Variants in PTK2 observed in about 807,000 individuals in gnomAD.
The protein encoded by PTK2 is protein tyrosine kinase 2.
Under a neutral mutation model 150.1 loss-of-function variants are expected in PTK2, and 45 were observed. The observed-to-expected ratio is 0.30, with a 90% CI of 0.24 to 0.38. The LOEUF is 0.38. PTK2 is among the 10% of genes least tolerant of loss of function. PTK2 has a pLI of 1.00. For missense variants in PTK2, 919 were observed against 1,307.3 expected (o/e 0.70, Z 4.58); for synonymous variants, 432 against 449.2 (o/e 0.96, Z 0.48).
chr8:140,983,522 A>G (rs1419612860), intron 1 of PTK2, among the ~76,000 whole-genome samples: 8 of 152,144 alleles, frequency 5.3e-5, no homozygotes, highest in Non-Finnish European at 8.8e-5. Flanking sequence ...CAATACAAAC[A>G]CCTACTTCTT....
intron 2 of PTK2, among the ~76,000 whole-genome samples, chr8:140,924,610 G>T (rs2100168774): frequency 6.6e-6 from 1 of 152,156 alleles, no homozygotes; most frequent in African/African-American, 2.4e-5. Flanking sequence ...GTGACAGTAT[G>T]GCTGTCTGGG....
intron 4 of PTK2, among the ~76,000 whole-genome samples, chr8:140,872,721 T>C (rs1274941413): frequency 6.6e-6 from 1 of 152,264 alleles, no homozygotes; most frequent in Admixed American, 6.5e-5. Flanking sequence ...TGAAGGAATT[T>C]ACCATTCCCT....
chr8:140,781,697 T>TCTGCACTGC (rs1246881220), intron 14 of PTK2, among the ~76,000 whole-genome samples: 27 of 152,248 alleles, frequency 1.8e-4, no homozygotes, highest in Non-Finnish European at 3.1e-4. Flanking sequence ...GTCTGCACTG[T>TCTGCACTGC]CTGCACTGCC....
intron 2 of PTK2, among the ~76,000 whole-genome samples, chr8:140,902,951 T>TTG (rs1568520244): frequency 7.0e-6 from 1 of 142,770 alleles, no homozygotes; most frequent in African/African-American, 2.6e-5. Context: ...TTTTTTTTTT[T>TTG]TTTTTTTTGC....
At chr8:140,755,723 CCCA>C (rs2154529630) in intron 16 of PTK2, among the ~76,000 whole-genome samples, 1 of 152,120 alleles carries the variant, frequency 6.6e-6, no homozygotes, top group South Asian at 2.1e-4. Context: ...GTTATATCCC[CCCA>C]CCACCTAGAA....
intron 4 of PTK2, among the ~76,000 whole-genome samples, chr8:140,875,702 T>C (rs1305308819): frequency 6.6e-6 from 1 of 152,204 alleles, no homozygotes; most frequent in Non-Finnish European, 1.5e-5. Context: ...ATTATTCCCC[T>C]ACTGCACCAT....
chr8:141,000,547 C>A (rs2100199741), intron 1 of PTK2, among the ~76,000 whole-genome samples: 1 of 152,172 alleles, frequency 6.6e-6, no homozygotes, highest in Non-Finnish European at 1.5e-5. Flanking sequence ...GCATTGGGTC[C>A]GCTCCGGCGG....
chr8:140,668,334 C>T (rs1197013420), exon 30 of PTK2: 29 of 1,614,008 alleles, frequency 1.8e-5, no homozygotes, highest in Non-Finnish European at 2.3e-5. Flanking sequence ...TCGATGACAG[C>T]TTTCACCAGG....
chr8:140,803,532 C>T lies in PTK2; in HGVS notation c.975+11G>A. 1 of 1,590,858 alleles carries T rather than the reference C, an allele frequency of 6.3e-7. No homozygotes were observed. The highest frequency in any genetic ancestry group is 1.1e-5 in the South Asian group (1 of 90,550). ...CATTTTCCCTTAATGATGAACGTAA[C>T]AGTTCCTTACCTCGGGTGCACCTGC... On this transcript the variant is annotated intron_variant, in intron 11 of 31. Coordinates refer to ENST00000522684, the Ensembl canonical transcript of PTK2.
chr8:140,885,832 G>A (rs2100152054), intron 3 of PTK2, among the ~76,000 whole-genome samples: 1 of 152,148 alleles, frequency 6.6e-6, no homozygotes, highest in South Asian at 2.1e-4. Context: ...GGGGAGATGG[G>A]TGAGACTCTC....
intron 22 of PTK2, among the ~76,000 whole-genome samples, chr8:140,720,776 C>T (rs904918156): frequency 2.0e-5 from 3 of 152,108 alleles, no homozygotes; most frequent in South Asian, 4.2e-4. Context: ...GTTTTTGGGG[C>T]GGAGTCTTGC....
chr8:140,894,165 T>TA (rs2100155173), intron 2 of PTK2, among the ~76,000 whole-genome samples: 1 of 152,142 alleles, frequency 6.6e-6, no homozygotes, highest in African/African-American at 2.4e-5. Context: ...TGAATGGGAT[T>TA]AGTGCCCTTG....
chr8:140,721,074 T>TC (rs1414087676), intron 22 of PTK2, among the ~76,000 whole-genome samples: 5 of 149,654 alleles, frequency 3.3e-5, no homozygotes, highest in African/African-American at 1.3e-4. Context: ...TTTCTTTCTT[T>TC]ATTTTTTTTT....
intron 14 of PTK2, among the ~76,000 whole-genome samples, chr8:140,778,766 G>C (rs1045951779): frequency 1.3e-5 from 2 of 152,170 alleles, no homozygotes; most frequent in African/African-American, 2.4e-5. Context: ...TTTTAGGCTT[G>C]TTAAGAAACC....
chr8:140,824,585 T>C (rs557750155), intron 8 of PTK2, among the ~76,000 whole-genome samples: 2 of 152,352 alleles, frequency 1.3e-5, no homozygotes, highest in African/African-American at 2.4e-5. Context: ...TCCAAACCTA[T>C]GGTGTTCAGT....
intron 1 of PTK2, among the ~76,000 whole-genome samples, chr8:140,940,341 C>A (rs865868442): frequency 1.3e-5 from 2 of 151,932 alleles, no homozygotes; most frequent in Admixed American, 6.5e-5. Context: ...GTGTGGATGG[C>A]GCCACTTGAG....
intron 1 of PTK2, among the ~76,000 whole-genome samples, chr8:140,933,395 A>T (rs2154608613): frequency 6.6e-6 from 1 of 152,364 alleles, no homozygotes; most frequent in Non-Finnish European, 1.5e-5. Flanking sequence ...TACCTTTGGT[A>T]TGTATTTACC....
At chr8:140,710,076 G>C (rs994400170) in intron 23 of PTK2, among the ~76,000 whole-genome samples, 14 of 152,180 alleles carry the variant, frequency 9.2e-5, no homozygotes, top group Non-Finnish European at 1.6e-4. Context: ...CACTTTGGAA[G>C]GCTGAGGCAG....
intron 1 of PTK2, among the ~76,000 whole-genome samples, chr8:140,959,232 T>C (rs1217673380): frequency 6.6e-6 from 1 of 152,096 alleles, no homozygotes; most frequent in African/African-American, 2.4e-5. Flanking sequence ...CACACATATA[T>C]TTTTTAAACA....
Sources: gnomAD v4.1 joint callset for allele counts (sites outside exome capture counted in the v4.1 genomes callset) on GRCh38, gnomAD v4.1.1 for gene constraint, MANE v1.5 for transcripts, NCBI Gene and HGNC (gene_info 2026-07-23, HGNC 2026-07-21) for gene names.